The following THSD7A variants were observed in gnomAD, a reference collection of about 807,000 sequenced individuals.
THSD7A encodes the protein thrombospondin type-1 domain-containing protein 7A.
Under a neutral mutation model 231.3 loss-of-function variants are expected in THSD7A, and 96 were observed. The observed-to-expected ratio is 0.41, with a 90% CI of 0.35 to 0.49. The LOEUF (loss-of-function observed/expected upper bound fraction) is 0.49. Ranked by LOEUF, THSD7A falls within the 20% of genes least tolerant of loss-of-function variation. The pLI is 0.05. For synonymous variants in THSD7A, 940 were observed against 743.3 expected (o/e 1.26, Z -4.30); for missense variants, 2,290 against 2,070.2 (o/e 1.11, Z -2.06).
At chr7:11,794,389 A>G (rs1458924717) in intron 1 of THSD7A, among the ~76,000 whole-genome samples, 3 of 151,976 alleles carry the variant, frequency 2.0e-5, no homozygotes, top group South Asian at 2.1e-4. Flanking sequence ...GCCTAGAATT[A>G]TATCCGTATC....
intron 13 of THSD7A, among the ~76,000 whole-genome samples, chr7:11,439,553 T>C (rs1021988755): frequency 1.8e-4 from 27 of 152,102 alleles, no homozygotes; most frequent in African/African-American, 5.3e-4. Flanking sequence ...TTGAAGGAAA[T>C]TGAAAGTAGT....
Position 11,474,395 on chromosome 7 carries a change from C to T in THSD7A, c.2191G>A (p.Gly731Ser), listed in dbSNP as rs1265637212. 9.9e-6 allele frequency: 16 copies of T among 1,613,424 alleles called. No homozygotes were observed. Among genetic ancestry groups the T allele is most frequent in the African/African-American group, 6.7e-5 (5 of 74,996 alleles). ...TWNGEASCSV[G>S]MQTRKVICVR... ...CAGATGACTTTTCTTGTCTGCATGC[C>T]GACAGAGCAGGAGGCCTCCCCATTC... The change falls in exon 8 of 28, where the codon GGC becomes AGC. Residue 731 changes from glycine (G) to serine (S), a missense_variant. Physicochemically the swap from Gly to Ser is moderately conservative, Grantham distance 56 (BLOSUM62 0). Coordinates refer to ENST00000423059, the MANE Select transcript of THSD7A (RefSeq NM_015204.3). This position sits in a 1 kb window ranked among gnomAD's most constrained non-coding sequence, Gnocchi z 4.1.
chr7:11,752,331 A>G (rs1268485966), intron 1 of THSD7A, among the ~76,000 whole-genome samples: 2 of 151,996 alleles, frequency 1.3e-5, no homozygotes, highest in Non-Finnish European at 2.9e-5. Context: ...TGCCTTGTAC[A>G]TAAGCTTGAA....
At chr7:11,421,372 A>G (rs1046784705) in intron 16 of THSD7A, among the ~76,000 whole-genome samples, 2 of 152,160 alleles carry the variant, frequency 1.3e-5, no homozygotes, top group East Asian at 3.9e-4. Flanking sequence ...CTGCCATGTG[A>G]AGATATGCTT....
rs763406394 is a variant in THSD7A, at chr7:11,636,393, G to A, written c.759C>T (p.Tyr253=). The A allele has an allele frequency of 2.7e-5, 43 of 1,613,684 alleles. No individual in the cohort carries two copies. Among genetic ancestry groups the A allele is most frequent in the Non-Finnish European group, 3.4e-5 (40 of 1,179,916 alleles). The change falls in exon 2 of 28, where the codon TAC becomes TAT. Residue 253 remains tyrosine (Y), a synonymous_variant. Coordinates refer to ENST00000423059, the MANE Select transcript of THSD7A (RefSeq NM_015204.3). The surrounding 1 kb of genome is among the most constrained non-coding windows in gnomAD (Gnocchi z 10.0). ...TGCTCCAGGGCCCCACATGCAGGCT[G>A]TACCTGAGCTCCTCGGCCTCGCATG... ...SSPCEAEELR[Y]SLHVGPWSTC... is the part of the protein sequence containing the mutation.
At chr7:11,420,631 A>C (rs1784112894) in intron 16 of THSD7A, among the ~76,000 whole-genome samples, 1 of 152,174 alleles carries the variant, frequency 6.6e-6, no homozygotes, top group Non-Finnish European at 1.5e-5. Context: ...CAGAGTCCCC[A>C]CTGGGGCACT....
Position 11,632,032 on chromosome 7 carries a change from A to G in THSD7A, c.1022+4098T>C, listed in dbSNP as rs1781675080. 1.3e-5 allele frequency among the ~76,000 whole-genome samples: 2 copies of G among 152,180 alleles called. No homozygotes were observed. The highest frequency in any genetic ancestry group is 4.1e-4 in the South Asian group (2 of 4,828). On this transcript the variant is annotated intron_variant, in intron 2 of 27. Coordinates refer to ENST00000423059, the MANE Select transcript of THSD7A (RefSeq NM_015204.3). This position sits in a 1 kb window ranked among gnomAD's most constrained non-coding sequence, Gnocchi z 4.1. ...TTACATTGATATAAAATTTCTGTAAATGATGAGTGGCTGTGCCTAATCTGT... is the reference window on the plus strand; with the variant it reads ...TTACATTGATATAAAATTTCTGTAAGTGATGAGTGGCTGTGCCTAATCTGT...
chr7:11,758,863 G>T (rs1166539373), intron 1 of THSD7A, among the ~76,000 whole-genome samples: 1 of 152,072 alleles, frequency 6.6e-6, no homozygotes, highest in African/African-American at 2.4e-5. Flanking sequence ...TAATGGGAAA[G>T]CAGCCAAGGA....
intron 6 of THSD7A, among the ~76,000 whole-genome samples, chr7:11,499,052 T>C (rs1263674345): frequency 6.6e-6 from 1 of 152,188 alleles, no homozygotes; most frequent in Non-Finnish European, 1.5e-5. Flanking sequence ...AAAGCCTCTC[T>C]GCCACTGCCT....
intron 6 of THSD7A, among the ~76,000 whole-genome samples, chr7:11,509,128 T>A (rs1222851662): frequency 6.6e-6 from 1 of 152,236 alleles, no homozygotes; most frequent in African/African-American, 2.4e-5. Flanking sequence ...ACACTTTACA[T>A]ATAATTTTTA....
chr7:11,774,476 T>C (rs1489548093), intron 1 of THSD7A, among the ~76,000 whole-genome samples: 1 of 136,440 alleles, frequency 7.3e-6, no homozygotes, highest in Non-Finnish European at 1.6e-5. Flanking sequence ...AGGTCTCATG[T>C]TAAGCATTCT....
At chr7:11,468,935 A>G (rs915294563) in intron 9 of THSD7A, among the ~76,000 whole-genome samples, 1 of 152,152 alleles carries the variant, frequency 6.6e-6, no homozygotes, top group African/African-American at 2.4e-5. Context: ...GAAAACCATC[A>G]AAAGGAAAAT....
intron 6 of THSD7A, among the ~76,000 whole-genome samples, chr7:11,487,092 C>G (rs1027632762): frequency 2.6e-5 from 4 of 152,270 alleles, no homozygotes; most frequent in African/African-American, 9.6e-5. Flanking sequence ...ATCCACTATT[C>G]TAATAAACTT....
At chr7:11,730,708 A>G (rs1362722783) in intron 1 of THSD7A, among the ~76,000 whole-genome samples, 19 of 151,588 alleles carry the variant, frequency 1.3e-4, no homozygotes, top group Admixed American at 1.3e-3. Flanking sequence ...CATTGAATCA[A>G]TGCTCTATTC....
At chr7:11,385,585 A>ATATTTGGTTATCTTTGTATTTCAACAAT (rs1169795260) in intron 23 of THSD7A, 46 of 146,674 alleles carry the variant, frequency 3.1e-4, no homozygotes, top group African/African-American at 9.5e-4. Context: ...GATTTTATTA[A>ATATTTGGTTATCTTTGTATTTCAACAAT]TATTTGGTTA....
At chr7:11,439,366 C>T (rs1043714191) in intron 13 of THSD7A, among the ~76,000 whole-genome samples, 3 of 151,908 alleles carry the variant, frequency 2.0e-5, no homozygotes, top group African/African-American at 7.2e-5. Flanking sequence ...CTATCGGTGC[C>T]ATTTTTTCCA....
In THSD7A at chr7:11,566,970, G is replaced by GT. The variant is rs112215193; in HGVS notation, c.1453+23489_1453+23490insA. ...TGGATCCAGCTGTGGGAGAGTGGGG[G>GT]GGGGACTGACCAACAAAGTTTCCTA... is the stretch of plus-strand genomic sequence containing the variant. On this transcript the variant is annotated intron_variant, in intron 4 of 27. Transcript: ENST00000423059. Among the ~76,000 whole-genome samples the GT allele has an allele frequency of 7.2e-5, 8 of 110,936 alleles. 2 individuals are homozygous for GT. The highest frequency in any genetic ancestry group is 1.1e-4 in the Non-Finnish European group (6 of 52,592). The allele number at this position is 110,936 out of a possible 152,430, so 72.8% of individuals were successfully genotyped here.
At chr7:11,477,302 T>C (rs544462315) in intron 7 of THSD7A, among the ~76,000 whole-genome samples, 3 of 152,350 alleles carry the variant, frequency 2.0e-5, no homozygotes, top group Non-Finnish European at 4.4e-5. Context: ...AATTAGAGTT[T>C]ATCTGATGTT....
chr7:11,704,962 T>A (rs1214873614), intron 1 of THSD7A, among the ~76,000 whole-genome samples: 1 of 151,108 alleles, frequency 6.6e-6, no homozygotes, highest in East Asian at 2.0e-4. Flanking sequence ...AATCCATGTT[T>A]AATGGCTGCA....
Sources: gnomAD v4.1 joint callset for allele counts (sites outside exome capture counted in the v4.1 genomes callset) on GRCh38, gnomAD v4.1.1 for gene constraint, Gnocchi (gnomAD v3.1) non-coding constraint, MANE v1.5 for transcripts, NCBI Gene and HGNC (gene_info 2026-07-23, HGNC 2026-07-21) for gene names.